The following EMCN variants were observed in gnomAD, a reference collection of about 807,000 sequenced individuals.
The protein encoded by EMCN is MUC-14.
Under a neutral mutation model 38.4 loss-of-function variants are expected in EMCN, and 37 were observed. The observed-to-expected ratio is 0.96, with a 90% CI of 0.74 to 1.27. The LOEUF (loss-of-function observed/expected upper bound fraction) is 1.27. EMCN is among the 50% of genes most tolerant of loss of function. The pLI, the probability that EMCN is intolerant of heterozygous loss-of-function variation, is 0.00. For synonymous variants in EMCN, 95 were observed against 100.8 expected (o/e 0.94, Z 0.35); for missense variants, 318 against 302.8 (o/e 1.05, Z -0.37).
intron 3 of EMCN, among the ~76,000 whole-genome samples, chr4:100,467,752 T>C (rs1057165218): frequency 2.6e-5 from 4 of 151,886 alleles, no homozygotes; most frequent in African/African-American, 9.7e-5. Context: ...ATTTTTCCAG[T>C]TGTATTTATA....
chr4:100,464,054 A>G (rs2110262085), intron 4 of EMCN, among the ~76,000 whole-genome samples: 2 of 152,088 alleles, frequency 1.3e-5, no homozygotes, highest in South Asian at 4.1e-4. Flanking sequence ...TAAACATGTA[A>G]TGTATCTTTA....
chr4:100,447,506 G>C, intron 5 of EMCN, 27 bp downstream of exon 5: 53 of 1,550,206 alleles, frequency 3.4e-5, no homozygotes, highest in Non-Finnish European at 4.4e-5. Context: ...AAAATACTAA[G>C]AGAGAGACAG....
At chr4:100,495,374 G>T (rs1560640300) in intron 1 of EMCN, among the ~76,000 whole-genome samples, 1 of 151,950 alleles carries the variant, frequency 6.6e-6, no homozygotes, top group Non-Finnish European at 1.5e-5. Flanking sequence ...TACAAATATG[G>T]CAGGATAATC....
In EMCN at chr4:100,465,377, A is replaced by G. The variant is rs761132722; in HGVS notation, c.376+46T>C. On this transcript the variant is annotated intron_variant, in intron 4 of 11. Transcript: ENST00000296420. ...TGGAAAACATTCTGAAACTAGTTTT[A>G]TGCAACACACTAGTTTAACACTTCA... The G allele has an allele frequency of 7.3e-6, 8 of 1,091,362 alleles. No individual in the cohort carries two copies. The South Asian group carries it at 1.2e-4, about 17-fold the overall frequency. The allele number at this position is 1,091,362 out of a possible 1,614,324, so 67.6% of individuals were successfully genotyped here.
At chr4:100,399,590 T>A (rs1726201587) in intron 11 of EMCN, among the ~76,000 whole-genome samples, 1 of 152,156 alleles carries the variant, frequency 6.6e-6, no homozygotes, top group African/African-American at 2.4e-5. Context: ...CATCTGTGGC[T>A]GCTAGGCAGT....
At chr4:100,406,720 A>G (rs559676917) in intron 11 of EMCN, among the ~76,000 whole-genome samples, 29 of 152,122 alleles carry the variant, frequency 1.9e-4, no homozygotes, top group African/African-American at 7.0e-4. Flanking sequence ...TGTTGAGTGG[A>G]CTTTTCTGTA....
intron 3 of EMCN, among the ~76,000 whole-genome samples, chr4:100,468,214 CA>C (rs1728377109): frequency 6.6e-6 from 1 of 152,170 alleles, no homozygotes; most frequent in Non-Finnish European, 1.5e-5. Context: ...ACCTTGATTC[CA>C]AGCATGTCCT....
chr4:100,509,044 C>G (rs1485815068), intron 1 of EMCN, among the ~76,000 whole-genome samples: 1 of 152,108 alleles, frequency 6.6e-6, no homozygotes, highest in Admixed American at 6.6e-5. Flanking sequence ...ACTCTTCTGA[C>G]TTTTGAAGAA....
chr4:100,463,381 T>C (rs1728234630), intron 4 of EMCN, among the ~76,000 whole-genome samples: 1 of 152,134 alleles, frequency 6.6e-6, no homozygotes. Context: ...TCAATTCCCG[T>C]AGCTAACTCT....
chr4:100,465,526 T>C lies in EMCN; in HGVS notation c.273A>G (p.Thr91=). 1 of 1,602,340 alleles carries C rather than the reference T, an allele frequency of 6.2e-7. No individual in the cohort carries two copies. Among genetic ancestry groups the C allele is most frequent in the South Asian group, 1.1e-5 (1 of 89,864 alleles). Residue 91 remains threonine, a synonymous_variant, in exon 4 of 12, where the codon ACA becomes ACG. Transcript: ENST00000296420. ...AGTCATTCTTCCTGACATCAGTGGT[T>C]GTGGCTTTCAATCCTATAAAAAGAA... ...LTSKDEGLKA[T]TTDVRKNDSI...
At chr4:100,493,922 C>G (rs903100778) in intron 1 of EMCN, among the ~76,000 whole-genome samples, 15 of 152,158 alleles carry the variant, frequency 9.9e-5, no homozygotes, top group Admixed American at 9.2e-4. Context: ...ACATTGATGA[C>G]TCATACTTTT....
intron 1 of EMCN, among the ~76,000 whole-genome samples, chr4:100,507,390 A>G (rs1729507232): frequency 6.6e-6 from 1 of 152,194 alleles, no homozygotes; most frequent in Admixed American, 6.5e-5. Context: ...ATAATAATTT[A>G]GATTAAATTT....
chr4:100,421,834 A>C (rs1048136795), intron 7 of EMCN, among the ~76,000 whole-genome samples: 3 of 152,060 alleles, frequency 2.0e-5, no homozygotes, highest in African/African-American at 7.2e-5. Flanking sequence ...TAATACCTTA[A>C]AACTAGAAAA....
chr4:100,514,785 A>T (rs1322347294), intron 1 of EMCN, among the ~76,000 whole-genome samples: 1 of 152,090 alleles, frequency 6.6e-6, no homozygotes, highest in Non-Finnish European at 1.5e-5. Context: ...AGCTTATAAT[A>T]ATTTCCACTT....
At chr4:100,512,469 A>G (rs1578242080) in intron 1 of EMCN, among the ~76,000 whole-genome samples, 1 of 152,200 alleles carries the variant, frequency 6.6e-6, no homozygotes, top group East Asian at 1.9e-4. Flanking sequence ...GGAATTCAGT[A>G]GCTGGAAAGG....
chr4:100,465,654 TA>T (rs1728296331), intron 3 of EMCN, 115 bp from the exon 4 acceptor site: 2 of 522,962 alleles, frequency 3.8e-6, no homozygotes, highest in African/African-American at 3.9e-5. Flanking sequence ...GTCTTCTGAC[TA>T]AGCCTTAGAA....
chr4:100,476,921 C>A (rs1158412019), intron 2 of EMCN, among the ~76,000 whole-genome samples: 1 of 152,028 alleles, frequency 6.6e-6, no homozygotes, highest in African/African-American at 2.4e-5. Context: ...AAATGGGGTA[C>A]CCAAACTCAT....
chr4:100,439,449 T>C (rs1367836513), intron 5 of EMCN, among the ~76,000 whole-genome samples: 1 of 151,898 alleles, frequency 6.6e-6, no homozygotes, highest in South Asian at 2.1e-4. Context: ...TTCGTAGTAG[T>C]CTTAACGATC....
At chr4:100,411,229 C>T (rs980355071) in intron 10 of EMCN, among the ~76,000 whole-genome samples, 7 of 152,146 alleles carry the variant, frequency 4.6e-5, no homozygotes, top group Admixed American at 3.9e-4. Context: ...AGAGCTCCTT[C>T]GATTCTATGC....
Sources: allele counts gnomAD v4.1 joint callset (sites outside exome capture counted in the v4.1 genomes callset), GRCh38; gene constraint gnomAD v4.1.1; transcripts MANE v1.5; gene names NCBI Gene and HGNC (gene_info 2026-07-23, HGNC 2026-07-21).